Variants in CCNY observed in about 807,000 individuals in gnomAD.
CCNY encodes the protein cyclin-Y.
Under a neutral mutation model 42.8 loss-of-function variants are expected in CCNY, and 19 were observed. The observed-to-expected ratio is 0.44, with a 90% confidence interval of 0.31 to 0.65. The LOEUF (loss-of-function observed/expected upper bound fraction) is 0.65, where lower values mean the gene tolerates loss of function less well. Among genes scored for constraint, CCNY ranks in the 30% least tolerant of loss-of-function variants. The probability of loss-of-function intolerance (pLI) is 0.07; values close to 1 mark genes in which losing one functional copy is unlikely to be tolerated. For missense variants in CCNY, 370 were observed against 437.3 expected (o/e 0.85, Z 1.37); for synonymous variants, 165 against 162.7 (o/e 1.01, Z -0.11).
At chr10:35,551,672 C>T (rs1035165170) in intron 7 of CCNY, among the ~76,000 whole-genome samples, 1 of 152,158 alleles carries the variant, frequency 6.6e-6, no homozygotes, top group African/African-American at 2.4e-5. Context: ...ACATTCTTAC[C>T]TCGTGGCCCA....
chr10:35,279,082 A>C (rs1472862205), intron 3 of CCNY, among the ~76,000 whole-genome samples: 1 of 151,852 alleles, frequency 6.6e-6, no homozygotes, highest in Non-Finnish European at 1.5e-5. Flanking sequence ...CAACAAGCCA[A>C]AATGAAAGCA....
chr10:35,364,132 A>T (rs927447107), intron 1 of CCNY, among the ~76,000 whole-genome samples: 1 of 152,186 alleles, frequency 6.6e-6, no homozygotes, highest in Non-Finnish European at 1.5e-5. Flanking sequence ...GATCTGGATT[A>T]ATAGTCAACT....
In CCNY at chr10:35,530,164, A is replaced by G; in HGVS notation, c.500A>G (p.Glu167Gly). 1 of 1,614,226 alleles carries G rather than the reference A, an allele frequency of 6.2e-7. No homozygotes were observed. Among genetic ancestry groups the G allele is most frequent in the African/African-American group, 1.3e-5 (1 of 75,068 alleles). Residue 167 changes from glutamate (E) to glycine (G), a missense_variant, in exon 7 of 10, where the codon GAG (glutamate) becomes GGG (glycine). By Grantham distance (98) the Glu-to-Gly change is moderately conservative. This residue lies in a region of CCNY where 234 missense variants were observed against 313.1 expected (regional missense o/e 0.75). Coordinates refer to ENST00000374704, the MANE Select transcript of CCNY (RefSeq NM_145012.6). This position sits in a 1 kb window ranked among gnomAD's most constrained non-coding sequence, Gnocchi z 4.3. ...VPPDYDKHNP[E>G]QKQIYRFVRT... ...CCAGATTATGACAAACACAACCCAG[A>G]GCAGAAGCAGATTTACCGGTTCGTT...
chr10:35,457,501 T>C (rs1564418513), intron 1 of CCNY, among the ~76,000 whole-genome samples: 1 of 152,172 alleles, frequency 6.6e-6, no homozygotes, highest in Non-Finnish European at 1.5e-5. Context: ...TCAGTTGCAA[T>C]GGTACCATAA....
At chr10:35,428,622 G>T (rs1838319999) in intron 1 of CCNY, among the ~76,000 whole-genome samples, 1 of 152,126 alleles carries the variant, frequency 6.6e-6, no homozygotes, top group South Asian at 2.1e-4. Context: ...GAGAGAGAGA[G>T]AATGGGGTAG....
Position 35,571,358 on chromosome 10 carries a change from A to G in CCNY, c.*2188A>G, listed in dbSNP as rs748789140. 1.0e-4 allele frequency: 16 copies of G among 152,516 alleles called. No homozygotes were observed. Among genetic ancestry groups the G allele is most frequent in the Admixed American group, 2.0e-4 (3 of 15,310 alleles). 9.4% of individuals were successfully genotyped at this position (152,516 alleles called of 1,614,324 possible). On this transcript the variant is annotated 3_prime_UTR_variant, in exon 10 of 10. Coordinates refer to ENST00000374704, the MANE Select transcript of CCNY (RefSeq NM_145012.6). ...GTCTATTTATTGTATGTATGTACATACAGTCTGATACCTAAAATTTAAAGT... is the reference window on the plus strand; with the variant it reads ...GTCTATTTATTGTATGTATGTACATGCAGTCTGATACCTAAAATTTAAAGT...
At chr10:35,496,780 A>G (rs1373881114) in intron 2 of CCNY, among the ~76,000 whole-genome samples, 1 of 152,172 alleles carries the variant, frequency 6.6e-6, no homozygotes, top group Non-Finnish European at 1.5e-5. Context: ...AATCCTCATT[A>G]ATAATCACAC....
At chr10:35,399,865 G>A (rs1160033714) in intron 1 of CCNY, among the ~76,000 whole-genome samples, 1 of 152,142 alleles carries the variant, frequency 6.6e-6, no homozygotes, top group Non-Finnish European at 1.5e-5. Context: ...ACTTCTTCCT[G>A]TAGATTGGAG....
chr10:35,424,125 A>G (rs904394894), intron 1 of CCNY, among the ~76,000 whole-genome samples: 4 of 152,238 alleles, frequency 2.6e-5, no homozygotes, highest in African/African-American at 7.2e-5. Context: ...GTTAGTAATC[A>G]TAGCTCCTGC....
At position 35,400,950 on chromosome 10, in the gene CCNY, A is replaced by G. The variant is rs1413908337; in HGVS notation, c.154+63743A>G. ...TGCGCACTTTTTTTTTGAGAGAGAAATAGAAGGTGGTAGAGAAGAGAAGAG... is the reference window on the plus strand; with the variant it reads ...TGCGCACTTTTTTTTTGAGAGAGAAGTAGAAGGTGGTAGAGAAGAGAAGAG... On this transcript the variant is annotated intron_variant, in intron 1 of 9. Transcript: ENST00000374704. Among the ~76,000 whole-genome samples the G allele has an allele frequency of 2.6e-5, 4 of 152,310 alleles. No individual in the cohort carries two copies. In the South Asian group the frequency reaches 8.3e-4, roughly 32 times the overall value.
intron 4 of CCNY, among the ~76,000 whole-genome samples, chr10:35,523,013 A>G (rs970180556): frequency 1.2e-4 from 19 of 152,168 alleles, no homozygotes; most frequent in Non-Finnish European, 2.4e-4. Context: ...AACATTGTAT[A>G]GATAATATGT....
intron 8 of CCNY, among the ~76,000 whole-genome samples, chr10:35,558,784 A>G (rs1240786928): frequency 6.6e-6 from 1 of 152,186 alleles, no homozygotes; most frequent in Non-Finnish European, 1.5e-5. Context: ...TAACACCTTG[A>G]TCTTGGACTA....
chr10:35,424,386 C>G (rs1838222469), intron 1 of CCNY, among the ~76,000 whole-genome samples: 1 of 152,198 alleles, frequency 6.6e-6, no homozygotes, highest in South Asian at 2.1e-4. Context: ...GCCACCACAC[C>G]TGGCTAAGTT....
chr10:35,572,071 G>A lies in CCNY; in HGVS notation c.*2901G>A, dbSNP rs1470650353. 2 of 151,988 alleles carry A rather than the reference G, an allele frequency of 1.3e-5. No individual in the cohort carries two copies. The highest frequency in any genetic ancestry group is 2.9e-5 in the Non-Finnish European group (2 of 68,022). The allele number at this position is 151,988 out of a possible 1,614,324, so 9.4% of individuals were successfully genotyped here. ...AAGATCGGGATGTGCCTTCATGCAT[G>A]AGGTGAGGCCAGAGGTGTGGGCACC... On this transcript the variant is annotated 3_prime_UTR_variant, in exon 10 of 10. Coordinates refer to ENST00000374704, the MANE Select transcript of CCNY (RefSeq NM_145012.6).
intron 1 of CCNY, among the ~76,000 whole-genome samples, chr10:35,406,646 G>T (rs1044429098): frequency 4.6e-5 from 7 of 152,178 alleles, no homozygotes; most frequent in Admixed American, 4.6e-4. Flanking sequence ...CACAGACACG[G>T]CAACCATCCG....
At chr10:35,460,838 T>C (rs897544612) in intron 1 of CCNY, among the ~76,000 whole-genome samples, 1 of 152,200 alleles carries the variant, frequency 6.6e-6, no homozygotes, top group Non-Finnish European at 1.5e-5. Context: ...ACTCAGTCAT[T>C]TATAGAGCAT....
At chr10:35,403,593 T>C (rs913056799) in intron 1 of CCNY, among the ~76,000 whole-genome samples, 5 of 152,144 alleles carry the variant, frequency 3.3e-5, no homozygotes, top group Non-Finnish European at 7.4e-5. Context: ...AGAAGAGTTT[T>C]TATTAAAGAG....
intron 1 of CCNY, among the ~76,000 whole-genome samples, chr10:35,481,549 G>A (rs1396929076): frequency 6.6e-6 from 1 of 152,156 alleles, no homozygotes; most frequent in East Asian, 1.9e-4. Flanking sequence ...GTCTCAGTTG[G>A]GCATGAAGGG....
intron 3 of CCNY, among the ~76,000 whole-genome samples, chr10:35,314,364 GAAACCCCTT>G (rs1835727726): frequency 6.6e-6 from 1 of 152,010 alleles, no homozygotes; most frequent in African/African-American, 2.4e-5. Flanking sequence ...AGCAAAAGGG[GAAACCCCTT>G]ATCAAACCAT....
Sources: gnomAD v4.1 joint callset for allele counts (sites outside exome capture counted in the v4.1 genomes callset) on GRCh38, gnomAD v4.1.1 for gene constraint, gnomAD v4.1.1 regional missense constraint, Gnocchi (gnomAD v3.1) non-coding constraint, MANE v1.5 for transcripts, NCBI Gene and HGNC (gene_info 2026-07-23, HGNC 2026-07-21) for gene names.